The following LRP1B variants were observed in gnomAD, a reference collection of about 807,000 sequenced individuals.
LRP1B encodes the protein low-density lipoprotein receptor-related protein 1B.
A neutral mutation model predicts 556.6 loss-of-function variants in LRP1B; 217 were observed. The ratio of observed to expected loss-of-function variants is 0.39; its 90% CI spans 0.35 to 0.44. LRP1B has a LOEUF of 0.44. LRP1B is among the 20% of genes least tolerant of loss of function. LRP1B has a pLI of 1.00. For missense variants in LRP1B, 5,053 were observed against 5,620.8 expected, an observed-to-expected ratio of 0.90 and a Z score of 3.23; for synonymous variants, 2,047 against 1,865.8, an observed-to-expected ratio of 1.10 and a Z score of -2.50.
intron 23 of LRP1B, chr2:140,898,812 G>GCCAC: frequency 1.9e-6 from 1 of 513,748 alleles, no homozygotes; most frequent in Non-Finnish European, 3.9e-6. Flanking sequence ...TGTAGCCTAG[G>GCCAC]CCACCGGATG....
At chr2:141,892,332 T>C (rs900098243) in intron 1 of LRP1B, among the ~76,000 whole-genome samples, 1 of 152,012 alleles carries the variant, frequency 6.6e-6, no homozygotes, top group Non-Finnish European at 1.5e-5. Flanking sequence ...CGATTTAACT[T>C]GCTTGAAATA....
intron 4 of LRP1B, among the ~76,000 whole-genome samples, chr2:141,248,790 G>A (rs1453599681): frequency 6.6e-6 from 1 of 152,138 alleles, no homozygotes; most frequent in Non-Finnish European, 1.5e-5. Context: ...ATGAAATAAA[G>A]GCTTTGGTAA....
chr2:140,421,293 G>A (rs1685432071), intron 66 of LRP1B, among the ~76,000 whole-genome samples: 1 of 152,096 alleles, frequency 6.6e-6, no homozygotes. Flanking sequence ...GTGGTTTCCT[G>A]TATGTCAATT....
chr2:140,243,057 GA>G (rs1681018160), intron 87 of LRP1B, among the ~76,000 whole-genome samples: 1 of 150,954 alleles, frequency 6.6e-6, no homozygotes, highest in Non-Finnish European at 1.5e-5. Context: ...TGGATGGACA[GA>G]AAGGCAAAAT....
At chr2:141,180,822 G>A (rs59445123) in intron 7 of LRP1B, among the ~76,000 whole-genome samples, 1,648 of 152,100 alleles carry the variant, frequency 0.011, 28 homozygotes, top group African/African-American at 0.037. Context: ...TTTCTTAGAA[G>A]AGGGAACGAG....
chr2:140,704,469 A>G (rs534232563), intron 37 of LRP1B, among the ~76,000 whole-genome samples: 2 of 152,280 alleles, frequency 1.3e-5, no homozygotes, highest in African/African-American at 4.8e-5. Context: ...TAAATCAGAA[A>G]GGAAAAACTT....
intron 2 of LRP1B, among the ~76,000 whole-genome samples, chr2:141,563,732 T>C (rs1002819707): frequency 5.9e-5 from 9 of 151,986 alleles, no homozygotes; most frequent in African/African-American, 2.2e-4. Context: ...AGCAACATGG[T>C]TGCAGCTGGA....
At chr2:140,813,088 T>A (rs544692556) in intron 32 of LRP1B, among the ~76,000 whole-genome samples, 1 of 152,296 alleles carries the variant, frequency 6.6e-6, no homozygotes, top group Non-Finnish European at 1.5e-5. Flanking sequence ...ATACCTCCCT[T>A]TTAGCTTCCT....
At chr2:141,925,803 C>T (rs1162001938) in intron 1 of LRP1B, among the ~76,000 whole-genome samples, 1 of 152,154 alleles carries the variant, frequency 6.6e-6, no homozygotes, top group Non-Finnish European at 1.5e-5. Flanking sequence ...GTAAGCTCTG[C>T]AAAGCCTAGC....
chr2:141,752,843 C>G (rs1377804313), intron 2 of LRP1B, among the ~76,000 whole-genome samples: 2 of 145,462 alleles, frequency 1.4e-5, no homozygotes, highest in Admixed American at 7.2e-5. Context: ...GCTTGGGAGG[C>G]TGAGATGGGA....
rs201840295 is a variant in LRP1B at position 140,322,059 on chromosome 2, C to T, written c.12544G>A (p.Glu4182Lys). ...LPNPCLDLACEFLCLLNPSGA... is the reference protein window; with the variant it reads ...LPNPCLDLACKFLCLLNPSGA... Reference sequence around the variant, plus strand: ...GAAGGATTTAGCAAGCAAAGAAATTCGCATGCTAAATCCAAGCATGGATTG... The same window carrying T: ...GAAGGATTTAGCAAGCAAAGAAATTTGCATGCTAAATCCAAGCATGGATTG... The change falls in exon 82 of 91, where the codon GAA (glutamate) becomes AAA (lysine). Residue 4182 changes from glutamate (E) to lysine (K), a missense_variant. Glu to Lys is a moderately conservative substitution (Grantham distance 56, BLOSUM62 1). Transcript: ENST00000389484. 2.3e-5 allele frequency: 37 copies of T among 1,612,598 alleles called. No individual in the cohort carries two copies. The Admixed American group carries it at 2.8e-4, about 12-fold the overall frequency.
chr2:141,509,026 A>G (rs1684029316), intron 2 of LRP1B, among the ~76,000 whole-genome samples: 2 of 152,166 alleles, frequency 1.3e-5, no homozygotes, highest in Admixed American at 1.3e-4. Context: ...CTAGGGCTAT[A>G]AAGGGCATTT....
intron 3 of LRP1B, among the ~76,000 whole-genome samples, chr2:141,460,898 G>T (rs1681841129): frequency 6.6e-6 from 1 of 152,058 alleles, no homozygotes; most frequent in South Asian, 2.1e-4. Flanking sequence ...TAGTTCTCAG[G>T]GGTGGGGAAG....
intron 27 of LRP1B, among the ~76,000 whole-genome samples, chr2:140,864,629 G>A (rs1692894961): frequency 6.6e-6 from 1 of 151,942 alleles, no homozygotes; most frequent in African/African-American, 2.4e-5. Flanking sequence ...CCCAAAAAGT[G>A]TTTATTGTAA....
chr2:141,051,609 A>G (rs912627869), intron 10 of LRP1B, among the ~76,000 whole-genome samples: 5 of 152,096 alleles, frequency 3.3e-5, no homozygotes, highest in Non-Finnish European at 5.9e-5. Flanking sequence ...TATTTCCAGT[A>G]CACTGGAAGA....
chr2:140,363,678 A>G (rs528354410), intron 72 of LRP1B, among the ~76,000 whole-genome samples: 1 of 151,286 alleles, frequency 6.6e-6, no homozygotes, highest in African/African-American at 2.4e-5. Context: ...AAAACTCTCC[A>G]AAACCTGTTT....
chr2:141,252,987 C>T (rs2105337188), intron 4 of LRP1B, among the ~76,000 whole-genome samples: 1 of 152,250 alleles, frequency 6.6e-6, no homozygotes, highest in Admixed American at 6.5e-5. Flanking sequence ...TAATTAAACA[C>T]ATAAAAGCAA....
intron 1 of LRP1B, among the ~76,000 whole-genome samples, chr2:142,042,714 G>A (rs1183963221): frequency 6.6e-6 from 1 of 151,352 alleles, no homozygotes; most frequent in Non-Finnish European, 1.5e-5. Context: ...GAAATGTGTT[G>A]GTCTAACCAC....
chr2:142,096,965 C>G (rs1037925179), intron 1 of LRP1B, among the ~76,000 whole-genome samples: 1 of 151,334 alleles, frequency 6.6e-6, no homozygotes, highest in African/African-American at 2.4e-5. Flanking sequence ...GATGGAGTGA[C>G]TTTATAATCG....
Sources: gnomAD v4.1 joint callset for allele counts (sites outside exome capture counted in the v4.1 genomes callset) on GRCh38, gnomAD v4.1.1 for gene constraint, MANE v1.5 for transcripts, NCBI Gene and HGNC (gene_info 2026-07-23, HGNC 2026-07-21) for gene names.